SPAG17: variants seen among roughly 807,000 people sequenced by gnomAD.
SPAG17 encodes sperm associated antigen 17, also known as sperm-associated antigen 17.
In SPAG17, 169 loss-of-function variants were observed where a neutral mutation model predicts 273.6. The observed-to-expected ratio is 0.62, with a 90% CI of 0.55 to 0.70. The LOEUF (loss-of-function observed/expected upper bound fraction) is 0.70. Among genes scored for constraint, SPAG17 ranks in the 30% least tolerant of loss-of-function variants. The pLI is 0.00. For synonymous variants in SPAG17, 825 were observed against 873.2 expected, an observed-to-expected ratio of 0.94 and a Z score of 0.97; for missense variants, 2,557 against 2,627.8, an observed-to-expected ratio of 0.97 and a Z score of 0.59.
At chr1:118,082,584 T>C (rs1184392289) in intron 13 of SPAG17, among the ~76,000 whole-genome samples, 1 of 152,294 alleles carries the variant, frequency 6.6e-6, no homozygotes, top group Middle Eastern at 3.4e-3. Flanking sequence ...TAATGAAAGC[T>C]GGGAACACAA....
chr1:118,122,752 A>G (rs1224959489), intron 3 of SPAG17, among the ~76,000 whole-genome samples: 1 of 152,244 alleles, frequency 6.6e-6, no homozygotes, highest in Non-Finnish European at 1.5e-5. Flanking sequence ...ACCCATGTAA[A>G]TACTTTGCAT....
chr1:117,990,038 G>A lies in SPAG17; in HGVS notation c.5521+823C>T, dbSNP rs1317504960. Among the ~76,000 whole-genome samples, 3 of 152,082 alleles carry A rather than the reference G, an allele frequency of 2.0e-5. No individual in the cohort carries two copies. In the East Asian group the frequency reaches 5.8e-4, roughly 29 times the overall value. ...CCACCCTACTACAGGAGTTGCCCAG[G>A]GTAAAAGGGTGACCACAGAGTATAG... On this transcript the variant is annotated intron_variant, in intron 38 of 48. Coordinates refer to ENST00000336338, the MANE Select transcript of SPAG17 (RefSeq NM_206996.4).
chr1:117,997,869 C>T (rs1297601802), intron 32 of SPAG17, among the ~76,000 whole-genome samples: 1 of 152,072 alleles, frequency 6.6e-6, no homozygotes, highest in Non-Finnish European at 1.5e-5. Flanking sequence ...TATATGAAAC[C>T]ATTTTTAGTT....
chr1:118,021,519 A>G (rs1660495622), intron 28 of SPAG17, among the ~76,000 whole-genome samples: 1 of 152,192 alleles, frequency 6.6e-6, no homozygotes, highest in Non-Finnish European at 1.5e-5. Flanking sequence ...CAACACCAAG[A>G]GTGAACCCTA....
intron 38 of SPAG17, among the ~76,000 whole-genome samples, chr1:117,988,492 C>G (rs1656695759): frequency 6.6e-6 from 1 of 152,202 alleles, no homozygotes; most frequent in Admixed American, 6.5e-5. Flanking sequence ...TGAATTTCCT[C>G]ATATCTGAAG....
Position 118,041,950 on chromosome 1 carries a change from C to G in SPAG17, c.2907G>C (p.Lys969Asn). 1 of 1,613,922 alleles carries G rather than the reference C, an allele frequency of 6.2e-7. No individual in the cohort carries two copies. Among genetic ancestry groups the G allele is most frequent in the Non-Finnish European group, 8.5e-7 (1 of 1,179,910 alleles). ...AEKKGKEAGK[K>N]KGKDNAEKED... is the part of the protein sequence containing the mutation. ...CTTTCTCTGCGTTATCCTTGCCTTT[C>G]TTTTTACCAGCTTCTTTACCCTTCT... The change falls in exon 21 of 49, where the codon AAG (lysine) becomes AAC (asparagine). Residue 969 changes from lysine (K) to asparagine (N), a missense_variant. Transcript: ENST00000336338.
intron 28 of SPAG17, among the ~76,000 whole-genome samples, chr1:118,017,680 G>C (rs1456912402): frequency 6.6e-6 from 1 of 151,978 alleles, no homozygotes; most frequent in Non-Finnish European, 1.5e-5. Flanking sequence ...TAAAGTATTA[G>C]AAATTCAAGT....
intron 28 of SPAG17, 30 bp from the exon 29 acceptor site, chr1:118,016,212 A>G (rs749107172): frequency 1.3e-6 from 2 of 1,528,186 alleles, no homozygotes; most frequent in South Asian, 1.1e-5. Context: ...TCAAACAACA[A>G]CAATATAACT....
chr1:118,056,610 A>G (rs939273654), intron 18 of SPAG17, among the ~76,000 whole-genome samples: 6 of 152,342 alleles, frequency 3.9e-5, no homozygotes, highest in East Asian at 1.9e-4. Flanking sequence ...GACATTAGTT[A>G]TAAGATTTAA....
chr1:118,036,762 C>T lies in SPAG17; in HGVS notation c.3433+8G>A. 6.5e-7 allele frequency: 1 copy of T among 1,542,566 alleles called. No individual in the cohort carries two copies. Among genetic ancestry groups the T allele is most frequent in the Non-Finnish European group, 8.8e-7 (1 of 1,138,792 alleles). The stretch of plus-strand genomic sequence containing the variant: ...GCACACTTATCCTTGCTGTTGTGTT[C>T]ATTTCACCTGGTGCCATTCCATTTG... On this transcript the variant is annotated splice_region_variant and intron_variant, in intron 24 of 48. Coordinates refer to ENST00000336338, the MANE Select transcript of SPAG17 (RefSeq NM_206996.4).
intron 15 of SPAG17, among the ~76,000 whole-genome samples, chr1:118,079,962 C>G (rs1427183450): frequency 6.6e-6 from 1 of 152,052 alleles, no homozygotes; most frequent in African/African-American, 2.4e-5. Flanking sequence ...TAAAATAAAC[C>G]TATAATCACT....
intron 6 of SPAG17, among the ~76,000 whole-genome samples, chr1:118,098,838 T>TA (rs1342824095): frequency 6.6e-6 from 1 of 152,178 alleles, no homozygotes; most frequent in Non-Finnish European, 1.5e-5. Context: ...TTTCTAACTT[T>TA]ATAGAGCAGC....
At chr1:118,087,607 A>T (rs549749641) in intron 10 of SPAG17, among the ~76,000 whole-genome samples, 1 of 152,362 alleles carries the variant, frequency 6.6e-6, no homozygotes, top group South Asian at 2.1e-4. Flanking sequence ...AGATTATGAG[A>T]TCAGTAAATG....
intron 28 of SPAG17, among the ~76,000 whole-genome samples, chr1:118,017,461 G>T (rs960542294): frequency 6.6e-6 from 1 of 152,106 alleles, no homozygotes; most frequent in Non-Finnish European, 1.5e-5. Context: ...GATTTTGGTT[G>T]AGTGAAGGGA....
intron 20 of SPAG17, among the ~76,000 whole-genome samples, chr1:118,048,949 T>TA (rs1331863799): frequency 1.3e-5 from 2 of 152,008 alleles, no homozygotes; most frequent in African/African-American, 4.8e-5. Flanking sequence ...GTACTATGAA[T>TA]AATTACACAT....
At chr1:118,048,075 C>T (rs1318232980) in intron 20 of SPAG17, among the ~76,000 whole-genome samples, 3 of 151,846 alleles carry the variant, frequency 2.0e-5, no homozygotes, top group Non-Finnish European at 4.4e-5. Context: ...CATGGCTCAG[C>T]ACCAAGTCAG....
At chr1:118,081,371 T>C in intron 14 of SPAG17, 44 bp downstream of exon 14, 2 of 1,611,906 alleles carry the variant, frequency 1.2e-6, no homozygotes, top group Non-Finnish European at 1.7e-6. Context: ...AAATTGACGA[T>C]CATAAAATAC....
intron 4 of SPAG17, among the ~76,000 whole-genome samples, chr1:118,109,331 A>C (rs1043157758): frequency 6.8e-6 from 1 of 147,674 alleles, no homozygotes; most frequent in African/African-American, 2.5e-5. Context: ...GGATCACCTG[A>C]GGTCAGGAGT....
intron 10 of SPAG17, among the ~76,000 whole-genome samples, chr1:118,088,776 G>C (rs911366966): frequency 9.2e-5 from 14 of 152,168 alleles, no homozygotes; most frequent in Admixed American, 5.2e-4. Context: ...TTAGTAGGAA[G>C]TTAAGCTGGA....
Sources: allele counts gnomAD v4.1 joint callset (sites outside exome capture counted in the v4.1 genomes callset), GRCh38; gene constraint gnomAD v4.1.1; transcripts MANE v1.5; gene names NCBI Gene and HGNC (gene_info 2026-07-23, HGNC 2026-07-21).